ARHGAP29: variants seen among roughly 807,000 people sequenced by gnomAD.
ARHGAP29 encodes Rho GTPase activating protein 29.
A neutral mutation model predicts 122.6 loss-of-function variants in ARHGAP29; 43 were observed. That is an observed-to-expected ratio of 0.35 (90% CI 0.27 to 0.45). The LOEUF (loss-of-function observed/expected upper bound fraction) is 0.45. ARHGAP29 is among the 20% of genes least tolerant of loss of function. The pLI, the probability that ARHGAP29 is intolerant of heterozygous loss-of-function variation, is 1.00. For missense variants in ARHGAP29, 1,303 were observed against 1,477.2 expected (o/e 0.88, Z 1.93); for synonymous variants, 506 against 497.1 (o/e 1.02, Z -0.24).
chr1:94,307,223 A>G, the ARHGAP29 span, among the ~76,000 whole-genome samples: 18 of 152,246 alleles, frequency 1.2e-4, no homozygotes, highest in South Asian at 3.1e-3. Context: ...GATGAAAATC[A>G]CCTAAACTGC....
chr1:94,226,912 A>G (rs56184400), intron 2 of ARHGAP29, among the ~76,000 whole-genome samples: 33,627 of 151,912 alleles, frequency 0.22, 4,912 homozygotes, highest in Middle Eastern at 0.36. Flanking sequence ...CTAATATTTC[A>G]CAAAATTTCT....
At chr1:94,209,039 T>A (rs1651403869) in intron 4 of ARHGAP29, 135 bp from the exon 5 acceptor site, 2 of 877,512 alleles carry the variant, frequency 2.3e-6, no homozygotes, top group Non-Finnish European at 1.7e-6. Flanking sequence ...TCTGTTCACA[T>A]AAACCACAGT....
At chr1:94,313,745 G>A in the ARHGAP29 span, among the ~76,000 whole-genome samples, 1 of 152,210 alleles carries the variant, frequency 6.6e-6, no homozygotes, top group Admixed American at 6.5e-5. Context: ...ATCAGTGATA[G>A]ACTGGATTAA....
intron 19 of ARHGAP29, among the ~76,000 whole-genome samples, chr1:94,180,380 C>T (rs1225788590): frequency 6.6e-6 from 1 of 152,142 alleles, no homozygotes; most frequent in Non-Finnish European, 1.5e-5. Context: ...ATGAGAGAAA[C>T]AGCAAGAAGA....
At chr1:94,219,531 T>C (rs1652158226) in intron 3 of ARHGAP29, among the ~76,000 whole-genome samples, 1 of 152,162 alleles carries the variant, frequency 6.6e-6, no homozygotes, top group Non-Finnish European at 1.5e-5. Flanking sequence ...ATTCTACCAC[T>C]ACCACACCCC....
rs377164789 is a variant in ARHGAP29, at chr1:94,231,419, C to T, written c.193G>A (p.Ala65Thr). 52 of 1,612,332 alleles carry T rather than the reference C, an allele frequency of 3.2e-5. No individual in the cohort carries two copies. Among genetic ancestry groups the T allele is most frequent in the Non-Finnish European group, 3.9e-5 (46 of 1,178,884 alleles). Residue 65 changes from alanine (A) to threonine (T), a missense_variant, in exon 2 of 23, where the codon GCC (alanine) becomes ACC (threonine). Around this residue, in one of 3 missense-constraint regions of ARHGAP29, gnomAD observed 592 missense variants for 648.2 expected, o/e 0.91. Coordinates refer to ENST00000260526, the MANE Select transcript of ARHGAP29 (RefSeq NM_004815.4). ...AAAAGTGACAAACCTGAAAATATGG[C>T]TTCTTTCAAATATAGTAACATGTGG... ...FSHMLLYLKE[A>T]IFSDCFKEVI...
Position 94,174,558 on chromosome 1 carries a change from CATT to C in ARHGAP29, c.3094_3096del (p.Asn1032del), listed in dbSNP as rs1194787437. ...TTTCCCATATTTCTGCCATTTCTCT[CATT>C]AGGAGGACTTGCAAGAAGTAGTCTA... On this transcript the variant is annotated inframe_deletion, in exon 23 of 23. Coordinates refer to ENST00000260526, the MANE Select transcript of ARHGAP29 (RefSeq NM_004815.4). 1 of 1,614,180 alleles carries C rather than the reference CATT, an allele frequency of 6.2e-7. No individual in the cohort carries two copies. Among genetic ancestry groups the C allele is most frequent in the Admixed American group, 1.7e-5 (1 of 60,020 alleles).
intron 2 of ARHGAP29, among the ~76,000 whole-genome samples, chr1:94,228,840 G>A (rs1444965740): frequency 6.6e-6 from 1 of 151,794 alleles, no homozygotes; most frequent in Non-Finnish European, 1.5e-5. Context: ...TCAAGTGACT[G>A]CACATTAGTG....
At chr1:94,255,333 C>G (rs972513695) in intron 1 of ARHGAP29, among the ~76,000 whole-genome samples, 2 of 152,192 alleles carry the variant, frequency 1.3e-5, no homozygotes, top group African/African-American at 4.8e-5. Context: ...ATGCTGACAC[C>G]TTGATGTCAA....
the ARHGAP29 span, among the ~76,000 whole-genome samples, chr1:94,310,601 C>A: frequency 6.6e-6 from 1 of 152,358 alleles, no homozygotes; most frequent in South Asian, 2.1e-4. Flanking sequence ...TTTAAAACCT[C>A]TGAGTCAACC....
intron 2 of ARHGAP29, among the ~76,000 whole-genome samples, chr1:94,221,405 C>T (rs1652283511): frequency 6.6e-6 from 1 of 151,790 alleles, no homozygotes; most frequent in South Asian, 2.1e-4. Flanking sequence ...ATGTGCTAGG[C>T]ACTATTAAAA....
chr1:94,198,830 T>C (rs1035438222), intron 12 of ARHGAP29, among the ~76,000 whole-genome samples: 1 of 152,196 alleles, frequency 6.6e-6, no homozygotes, highest in Non-Finnish European at 1.5e-5. Context: ...TTTGGAGATA[T>C]GGACAAGCTG....
chr1:94,177,862 G>A lies in ARHGAP29; in HGVS notation c.2786C>T (p.Ser929Phe). Residue 929 changes from serine to phenylalanine, a missense_variant, in exon 21 of 23, where the codon TCT (serine) becomes TTT (phenylalanine). Coordinates refer to ENST00000260526, the MANE Select transcript of ARHGAP29 (RefSeq NM_004815.4). ...AAAGGTCAAACTCACTTCCTTTGAA[G>A]AAAAAAATAGTGACTTCATGGAACG... ...IERSMKSLFF[S>F]SKEDIHTSES... 6.2e-7 allele frequency: 1 copy of A among 1,605,824 alleles called. No individual in the cohort carries two copies. Among genetic ancestry groups the A allele is most frequent in the Non-Finnish European group, 8.5e-7 (1 of 1,177,436 alleles).
chr1:94,276,809 A>T (rs1185925539), upstream of ARHGAP29, among the ~76,000 whole-genome samples: 1 of 135,188 alleles, frequency 7.4e-6, no homozygotes, highest in African/African-American at 2.8e-5. Flanking sequence ...AAAAAAAAAA[A>T]GGACTGTGTC....
chr1:94,179,430 C>T (rs1200159854), intron 20 of ARHGAP29, among the ~76,000 whole-genome samples: 2 of 151,606 alleles, frequency 1.3e-5, no homozygotes, highest in Non-Finnish European at 2.9e-5. Flanking sequence ...CCCATCTCTA[C>T]TAAAAATACA....
intron 5 of ARHGAP29, among the ~76,000 whole-genome samples, chr1:94,206,012 C>T (rs1056470442): frequency 5.3e-5 from 8 of 152,160 alleles, no homozygotes; most frequent in African/African-American, 1.9e-4. Context: ...GCAATGCAAA[C>T]ATATTGCTAT....
intron 2 of ARHGAP29, among the ~76,000 whole-genome samples, chr1:94,230,682 T>C (rs1426171996): frequency 1.3e-5 from 2 of 151,818 alleles, no homozygotes; most frequent in African/African-American, 2.4e-5. Context: ...TATCTAGACA[T>C]ACCATTATGA....
chr1:94,205,114 C>T lies in ARHGAP29; in HGVS notation c.644G>A (p.Trp215Ter). Reference protein sequence around the residue: ...IELALSYAKTWSKYTKNIVSW... With the variant: ...IELALSYAKT ...AACTATGTTCTTAGTATATTTTGACCAAGTTTTAGCATATGACAAAGCCAG... is the reference window on the plus strand; with the variant it reads ...AACTATGTTCTTAGTATATTTTGACTAAGTTTTAGCATATGACAAAGCCAG... The change falls in exon 7 of 23, where the codon TGG becomes TAG. Residue 215 changes from tryptophan to a stop codon, truncating the protein, a stop_gained. Coordinates refer to ENST00000260526, the MANE Select transcript of ARHGAP29 (RefSeq NM_004815.4). LOFTEE classifies it high-confidence loss of function. 6.2e-7 allele frequency: 1 copy of T among 1,606,388 alleles called. No homozygotes were observed. The highest frequency in any genetic ancestry group is 8.5e-7 in the Non-Finnish European group (1 of 1,177,054).
chr1:94,224,264 C>T (rs1652491355), intron 2 of ARHGAP29, among the ~76,000 whole-genome samples: 1 of 152,194 alleles, frequency 6.6e-6, no homozygotes, highest in South Asian at 2.1e-4. Context: ...GAGAGTTACA[C>T]TGCCCTCTTT....
Sources: gnomAD v4.1 joint callset for allele counts (sites outside exome capture counted in the v4.1 genomes callset) on GRCh38, gnomAD v4.1.1 for gene constraint, gnomAD v4.1.1 regional missense constraint, MANE v1.5 for transcripts, NCBI Gene and HGNC (gene_info 2026-07-23, HGNC 2026-07-21) for gene names.